The following ANKRD52 variants were observed in gnomAD, a reference collection of about 807,000 sequenced individuals.
ANKRD52 encodes serine/threonine-protein phosphatase 6 regulatory ankyrin repeat subunit C.
A neutral mutation model predicts 116.0 loss-of-function variants in ANKRD52; 7 were observed. The observed-to-expected ratio is 0.06, with a 90% CI of 0.03 to 0.11. The LOEUF is 0.11. Among genes scored for constraint, ANKRD52 ranks in the 10% least tolerant of loss-of-function variants. The pLI, the probability that ANKRD52 is intolerant of heterozygous loss-of-function variation, is 1.00. For missense variants in ANKRD52, 839 were observed against 1,408.6 expected (o/e 0.60, Z 6.47); for synonymous variants, 528 against 578.1 (o/e 0.91, Z 1.24).
Position 56,242,876 on chromosome 12 carries a change from GGCATTTA to G in ANKRD52, c.*259_*265del. 2.2e-6 allele frequency: 1 copy of G among 459,166 alleles called. No homozygotes were observed. The allele number at this position is 459,166 out of a possible 1,614,324, so 28.4% of individuals were successfully genotyped here. ...ATGGAGTCAAAGAGTGGGGGAGCCA[GGCATTTA>G]GCAATCATTTTGGGACACTTGGCAG... is the stretch of plus-strand genomic sequence containing the variant. On this transcript the variant is annotated 3_prime_UTR_variant, in exon 28 of 28. Transcript: ENST00000267116. This position sits in a 1 kb window ranked among gnomAD's most constrained non-coding sequence, Gnocchi z 4.3.
At position 56,245,086 on chromosome 12, in the gene ANKRD52, C is replaced by A. The variant is rs555704241; in HGVS notation, c.2492+17G>T. ...TGGGCCCTCGCGAGAAGGGCTGATG[C>A]AGCAGAAGGGACTTACACTGCACAG... On this transcript the variant is annotated intron_variant, in intron 22 of 27. Coordinates refer to ENST00000267116, the MANE Select transcript of ANKRD52 (RefSeq NM_173595.4). 6.2e-7 allele frequency: 1 copy of A among 1,613,724 alleles called. No individual in the cohort carries two copies. The highest frequency in any genetic ancestry group is 8.5e-7 in the Non-Finnish European group (1 of 1,179,650).
Position 56,247,386 on chromosome 12 carries a change from A to G in ANKRD52, c.2184+107T>C. On this transcript the variant is annotated intron_variant, in intron 20 of 27. Transcript: ENST00000267116. ...AAAAGAAAAAGAAAAAAGACGGCAC[A>G]AAATCCTGGCTTGCCTCCTAGACAA... The G allele has an allele frequency of 3.1e-6, 3 of 953,820 alleles. No homozygotes were observed. In the South Asian group the frequency reaches 5.1e-5, roughly 16 times the overall value. The allele number at this position is 953,820 out of a possible 1,614,324, so 59.1% of individuals were successfully genotyped here.
At position 56,254,178 on chromosome 12, in the gene ANKRD52, G is replaced by A. The variant is rs1325811682; in HGVS notation, c.795C>T (p.Val265=). ...AIELVNAGAN[V]NQPNDKGFTP... is the part of the protein sequence containing the mutation. ...TGAAGCCCTTGTCATTCGGCTGGTTGACATTGGCTCCGGCATTCACCAGCT... is the reference window on the plus strand; with the variant it reads ...TGAAGCCCTTGTCATTCGGCTGGTTAACATTGGCTCCGGCATTCACCAGCT... The change falls in exon 8 of 28, where the codon GTC becomes GTT. Residue 265 remains valine (V), a synonymous_variant. Coordinates refer to ENST00000267116, the MANE Select transcript of ANKRD52 (RefSeq NM_173595.4). The surrounding 1 kb of genome is among the most constrained non-coding windows in gnomAD (Gnocchi z 4.6). 1.2e-6 allele frequency: 2 copies of A among 1,613,828 alleles called. No individual in the cohort carries two copies. Among genetic ancestry groups the A allele is most frequent in the African/African-American group, 2.7e-5 (2 of 74,928 alleles).
In ANKRD52 at chr12:56,254,807, C is replaced by T; in HGVS notation, c.550+58G>A. On this transcript the variant is annotated intron_variant, in intron 6 of 27. Transcript: ENST00000267116. This position sits in a 1 kb window ranked among gnomAD's most constrained non-coding sequence, Gnocchi z 4.6. Reference sequence around the variant, plus strand: ...CTCTTCAAAGGCTGCAACCCCACATCCCTGCCCTAGGAATCCTAAATGTCA... The same window carrying T: ...CTCTTCAAAGGCTGCAACCCCACATTCCTGCCCTAGGAATCCTAAATGTCA... The T allele has an allele frequency of 1.9e-6, 3 of 1,603,132 alleles. No individual in the cohort carries two copies. The highest frequency in any genetic ancestry group is 2.6e-6 in the Non-Finnish European group (3 of 1,170,526).
Position 56,254,127 on chromosome 12 carries a change from G to T in ANKRD52, c.846C>A (p.Ser282=), listed in dbSNP as rs808919. 2.5e-5 allele frequency: 40 copies of T among 1,613,518 alleles called. No homozygotes were observed. Among genetic ancestry groups the T allele is most frequent in the East Asian group, 8.9e-5 (4 of 44,850 alleles). The change falls in exon 8 of 28, where the codon TCC becomes TCA. Residue 282 remains serine, a synonymous_variant. Coordinates refer to ENST00000267116, the MANE Select transcript of ANKRD52 (RefSeq NM_173595.4). This position sits in a 1 kb window ranked among gnomAD's most constrained non-coding sequence, Gnocchi z 4.6. ...GCTCCAAGCAGAGAGCGCCATTGGTGGAGACTGCAGCCACATGCAGTGGCG... is the reference window on the plus strand; with the variant it reads ...GCTCCAAGCAGAGAGCGCCATTGGTTGAGACTGCAGCCACATGCAGTGGCG... ...GFTPLHVAAV[S]TNGALCLELL...
At position 56,243,757 on chromosome 12, in the gene ANKRD52, G is replaced by A. The variant is rs763870690; in HGVS notation, c.2980+28C>T. ...AATGTCCCTGACCCCAAACCCAAGA[G>A]AGGCATGGGGCCCCAGACCCCACCC... On this transcript the variant is annotated intron_variant, in intron 27 of 27. Coordinates refer to ENST00000267116, the MANE Select transcript of ANKRD52 (RefSeq NM_173595.4). This position sits in a 1 kb window ranked among gnomAD's most constrained non-coding sequence, Gnocchi z 4.6. 1 of 1,548,244 alleles carries A rather than the reference G, an allele frequency of 6.5e-7. No individual in the cohort carries two copies. Among genetic ancestry groups the A allele is most frequent in the Non-Finnish European group, 8.7e-7 (1 of 1,144,144 alleles).
Position 56,252,534 on chromosome 12 carries a change from T to C in ANKRD52, c.1338A>G (p.Gly446=), listed in dbSNP as rs770192644. Residue 446 remains glycine, a synonymous_variant, in exon 13 of 28, where the codon GGA becomes GGG. Transcript: ENST00000267116. The surrounding 1 kb of genome is among the most constrained non-coding windows in gnomAD (Gnocchi z 4.7). ...VECLNLLLSS[G]ADLRRRDKFG... Reference sequence around the variant, plus strand: ...ATTTGTCCCTCCTCCTCAAGTCAGCTCCACTGCTCAACAGCAAATTAAGAC... The same window carrying C: ...ATTTGTCCCTCCTCCTCAAGTCAGCCCCACTGCTCAACAGCAAATTAAGAC... 3 of 1,613,932 alleles carry C rather than the reference T, an allele frequency of 1.9e-6. No individual in the cohort carries two copies. Among genetic ancestry groups the C allele is most frequent in the Non-Finnish European group, 2.5e-6 (3 of 1,179,866 alleles).
In ANKRD52 at chr12:56,244,843, TGCCCAA is replaced by T; in HGVS notation, c.2577-52_2577-47del. 6.2e-7 allele frequency: 1 copy of T among 1,613,836 alleles called. No homozygotes were observed. Among genetic ancestry groups the T allele is most frequent in the Non-Finnish European group, 8.5e-7 (1 of 1,179,824 alleles). ...TAGATTAAAATAGGGAAGAGTATAC[TGCCCAA>T]GCAGAAAGGGGAAGCCAGAGGCAAC... On this transcript the variant is annotated intron_variant, in intron 23 of 27. Transcript: ENST00000267116. This position sits in a 1 kb window ranked among gnomAD's most constrained non-coding sequence, Gnocchi z 4.9.
rs536042830 is a variant in ANKRD52 at position 56,238,111 on chromosome 12, G to A, written c.*5031C>T. 34 of 198,140 alleles carry A rather than the reference G, an allele frequency of 1.7e-4. No homozygotes were observed. The highest frequency in any genetic ancestry group is 6.7e-4 in the African/African-American group (29 of 43,252). The allele number at this position is 198,140 out of a possible 1,614,324, so 12.3% of individuals were successfully genotyped here. A position where few individuals can be genotyped will look rare whatever the true frequency, so the allele number is the denominator to read the frequency against. ...CTGCCCCTTATTGCTGCCCACCAGC[G>A]TTAAACGCCCCCGATCCCAACACTA... On this transcript the variant is annotated 3_prime_UTR_variant, in exon 28 of 28. Transcript: ENST00000267116.
In ANKRD52 at chr12:56,253,870, C is replaced by T. The variant is rs1871815720; in HGVS notation, c.907-70G>A. On this transcript the variant is annotated intron_variant, in intron 8 of 27. Coordinates refer to ENST00000267116, the MANE Select transcript of ANKRD52 (RefSeq NM_173595.4). The surrounding 1 kb of genome is among the most constrained non-coding windows in gnomAD (Gnocchi z 5.5). ...GCAAAGCACAGAGAATGCCCTACCT[C>T]CCTTCCAAGGACATATCTCTAAGGA... The T allele has an allele frequency of 1.3e-6, 2 of 1,517,276 alleles. No individual in the cohort carries two copies. Among genetic ancestry groups the T allele is most frequent in the Non-Finnish European group, 1.8e-6 (2 of 1,096,012 alleles). The allele number at this position is 1,517,276 out of a possible 1,614,324, so 94.0% of individuals were successfully genotyped here. A position where few individuals can be genotyped will look rare whatever the true frequency, so the allele number is the denominator to read the frequency against.
At position 56,239,428 on chromosome 12, in the gene ANKRD52, T is replaced by C. The variant is rs1397042673; in HGVS notation, c.*3714A>G. 1 of 152,284 alleles carries C rather than the reference T, an allele frequency of 6.6e-6. No homozygotes were observed. The highest frequency in any genetic ancestry group is 1.5e-5 in the Non-Finnish European group (1 of 68,090). 9.4% of individuals were successfully genotyped at this position (152,284 alleles called of 1,614,324 possible). ...TCAAACTAGGCGGGATGGGGGCCCA[T>C]ACTGGTTTGCCCCAGGAGTAGGGTT... On this transcript the variant is annotated 3_prime_UTR_variant, in exon 28 of 28. Transcript: ENST00000267116.
Position 56,252,444 on chromosome 12 carries a change from C to T in ANKRD52, c.1370+58G>A, listed in dbSNP as rs1871748836. 10 of 1,597,992 alleles carry T rather than the reference C, an allele frequency of 6.3e-6. No individual in the cohort carries two copies. Among genetic ancestry groups the T allele is most frequent in the Non-Finnish European group, 7.7e-6 (9 of 1,165,896 alleles). On this transcript the variant is annotated intron_variant, in intron 13 of 27. Transcript: ENST00000267116. The surrounding 1 kb of genome is among the most constrained non-coding windows in gnomAD (Gnocchi z 4.7). ...TCTCCAATCTAAACCCTTCCTCCCT[C>T]TACCATTTGTTTCTCTAATCAGATA...
intron 20 of ANKRD52, among the ~76,000 whole-genome samples, chr12:56,246,692 C>T (rs1393838395): frequency 2.6e-5 from 4 of 151,572 alleles, no homozygotes; most frequent in East Asian, 2.0e-4. Flanking sequence ...GAGGCCAAGG[C>T]GGGTGGATCT....
rs1018442579 is a variant in ANKRD52 at position 56,238,657 on chromosome 12, G to T, written c.*4485C>A. 1 of 151,328 alleles carries T rather than the reference G, an allele frequency of 6.6e-6. No homozygotes were observed. Among genetic ancestry groups the T allele is most frequent in the African/African-American group, 2.4e-5 (1 of 41,070 alleles). 9.4% of individuals were successfully genotyped at this position (151,328 alleles called of 1,614,324 possible). A position where few individuals can be genotyped will look rare whatever the true frequency, so the allele number is the denominator to read the frequency against. On this transcript the variant is annotated 3_prime_UTR_variant, in exon 28 of 28. Transcript: ENST00000267116. Reference sequence around the variant, plus strand: ...CCCAGGCTTCTGTGGCCTGGAGCTGGAGAAGGGGGTAGGAGACTTCATCCT... The same window carrying T: ...CCCAGGCTTCTGTGGCCTGGAGCTGTAGAAGGGGGTAGGAGACTTCATCCT...
rs959337572 is a variant in ANKRD52 at position 56,240,930 on chromosome 12, C to T, written c.*2212G>A. 6.6e-6 allele frequency: 1 copy of T among 152,274 alleles called. No individual in the cohort carries two copies. The highest frequency in any genetic ancestry group is 1.5e-5 in the Non-Finnish European group (1 of 68,072). 9.4% of individuals were successfully genotyped at this position (152,274 alleles called of 1,614,324 possible). A position where few individuals can be genotyped will look rare whatever the true frequency, so the allele number is the denominator to read the frequency against. Reference sequence around the variant, plus strand: ...GAACACGACTCACACCCGGCAAGTTCTCTCTGGAGGACCCATCTTCTCACT... The same window carrying T: ...GAACACGACTCACACCCGGCAAGTTTTCTCTGGAGGACCCATCTTCTCACT... On this transcript the variant is annotated 3_prime_UTR_variant, in exon 28 of 28. Transcript: ENST00000267116. This position sits in a 1 kb window ranked among gnomAD's most constrained non-coding sequence, Gnocchi z 4.2.
rs771064847 is a variant in ANKRD52 at position 56,245,402 on chromosome 12, C to T, written c.2379G>A (p.Ser793=). 1.9e-5 allele frequency: 30 copies of T among 1,612,250 alleles called. No homozygotes were observed. The highest frequency in any genetic ancestry group is 1.4e-4 in the South Asian group (13 of 90,922). The change falls in exon 21 of 28, where the codon TCG becomes TCA. Residue 793 remains serine, a synonymous_variant. Transcript: ENST00000267116. ...CAGTGTAGGAGGCCCAGTGCATGGG[C>T]GAGTATCCGCTGTAATCCACCCCGG... ...LDAGVDYSGY[S]PMHWASYTGH...
intron 2 of ANKRD52, 72 bp downstream of exon 2, chr12:56,257,756 C>A: frequency 6.7e-7 from 1 of 1,482,824 alleles, no homozygotes; most frequent in South Asian, 1.2e-5. Context: ...GGAGCCGCCC[C>A]ACCGGTGGGG....
chr12:56,252,425 A>T lies in ANKRD52; in HGVS notation c.1370+77T>A. On this transcript the variant is annotated intron_variant, in intron 13 of 27. Coordinates refer to ENST00000267116, the MANE Select transcript of ANKRD52 (RefSeq NM_173595.4). The surrounding 1 kb of genome is among the most constrained non-coding windows in gnomAD (Gnocchi z 4.7). ...AACATTCTCCTTATTTAAGTCTCCA[A>T]TCTAAACCCTTCCTCCCTCTACCAT... The T allele has an allele frequency of 6.3e-7, 1 of 1,594,160 alleles. No homozygotes were observed. Among genetic ancestry groups the T allele is most frequent in the Non-Finnish European group, 8.6e-7 (1 of 1,162,564 alleles).
At position 56,245,151 on chromosome 12, in the gene ANKRD52, G is replaced by A. The variant is rs769213800; in HGVS notation, c.2444C>T (p.Pro815Leu). The A allele has an allele frequency of 6.2e-6, 10 of 1,613,952 alleles. No homozygotes were observed. The East Asian group carries it at 6.7e-5, about 11-fold the overall frequency. The change falls in exon 22 of 28, where the codon CCG becomes CTG. Residue 815 changes from proline (P) to leucine (L), a missense_variant. Coordinates refer to ENST00000267116, the MANE Select transcript of ANKRD52 (RefSeq NM_173595.4). Reference protein sequence around the residue: ...DCLELLLEHSPFSYLEGNPFT... With the variant: ...DCLELLLEHSLFSYLEGNPFT... The stretch of plus-strand genomic sequence containing the variant: ...GGGGTTTCCTTCCAGGTACGAAAAC[G>A]GGCTGTGTTCAAGTAACAACTCCAG...
Sources: gnomAD v4.1 joint callset for allele counts (sites outside exome capture counted in the v4.1 genomes callset) on GRCh38, gnomAD v4.1.1 for gene constraint, Gnocchi (gnomAD v3.1) non-coding constraint, MANE v1.5 for transcripts, NCBI Gene and HGNC (gene_info 2026-07-23, HGNC 2026-07-21) for gene names.